UGT1A8: variants seen among roughly 807,000 people sequenced by gnomAD.
UGT1A8 encodes the protein UDP glucuronosyltransferase family 1 member A8, also known as UDP-glucuronosyltransferase 1A8.
UGT1A8 carries 39 observed loss-of-function variants against 45.3 expected under a neutral mutation model. The observed-to-expected ratio is 0.86, with a 90% CI of 0.67 to 1.12. The LOEUF (loss-of-function observed/expected upper bound fraction) is 1.12. Ranked by LOEUF, UGT1A8 falls within the 50% of genes most tolerant of loss-of-function variation. The probability of loss-of-function intolerance (pLI) is 0.00; values close to 1 mark genes in which losing one functional copy is unlikely to be tolerated. For synonymous variants in UGT1A8, 275 were observed against 249.2 expected, an observed-to-expected ratio of 1.10 and a Z score of -0.97; for missense variants, 719 against 664.9, an observed-to-expected ratio of 1.08 and a Z score of -0.90.
rs1272833298 is a variant in UGT1A8, at chr2:233,768,361, C to T, written c.1217C>T (p.Ala406Val). ...DNAKRMETKG[A>V]GVTLNVLEMT... is the part of the protein sequence containing the mutation. ...GCAAAGCGCATGGAGACTAAGGGAG[C>T]TGGAGTGACCCTGAATGTTCTGGAA... Residue 406 changes from alanine to valine, a missense_variant, in exon 4 of 5, where the codon GCT becomes GTT. Physicochemically the swap from Ala to Val is moderately conservative, Grantham distance 64. Coordinates refer to ENST00000373450, the MANE Select transcript of UGT1A8 (RefSeq NM_019076.5). 1 of 1,614,004 alleles carries T rather than the reference C, an allele frequency of 6.2e-7. No individual in the cohort carries two copies. The highest frequency in any genetic ancestry group is 1.3e-5 in the African/African-American group (1 of 74,914).
At position 233,734,054 on chromosome 2, in the gene UGT1A8, T is replaced by C. The variant is rs2078472293; in HGVS notation, c.856-32980T>C. Among the ~76,000 whole-genome samples the C allele has an allele frequency of 9.9e-5, 15 of 152,222 alleles. No homozygotes were observed. The South Asian group carries it at 3.1e-3, about 32-fold the overall frequency. The stretch of plus-strand genomic sequence containing the variant: ...CACACCAACATGGCACATGTATACA[T>C]ATGTAACAAACCTGCACATTGTGCA... On this transcript the variant is annotated intron_variant, in intron 1 of 4. Transcript: ENST00000373450.
At chr2:233,645,423 C>T (rs2073573994) in intron 1 of UGT1A8, among the ~76,000 whole-genome samples, 1 of 152,232 alleles carries the variant, frequency 6.6e-6, no homozygotes, top group African/African-American at 2.4e-5. Context: ...AAAGTCTCAG[C>T]ATTAACTCAA....
chr2:233,637,314 C>T (rs768029713), intron 1 of UGT1A8: 10 of 1,613,918 alleles, frequency 6.2e-6, no homozygotes, highest in South Asian at 4.4e-5. Flanking sequence ...ATCCCAAACC[C>T]GTGATGCCCA....
chr2:233,636,794 T>C lies in UGT1A8; in HGVS notation c.855+18232T>C, dbSNP rs141009803. 35 of 1,614,238 alleles carry C rather than the reference T, an allele frequency of 2.2e-5. No individual in the cohort carries two copies. In the African/African-American group the frequency reaches 3.9e-4, roughly 18 times the overall value. On this transcript the variant is annotated intron_variant, in intron 1 of 4. Coordinates refer to ENST00000373450, the MANE Select transcript of UGT1A8 (RefSeq NM_019076.5). The stretch of plus-strand genomic sequence containing the variant: ...CTGGAAGATCAGAACCGGGAATTCA[T>C]GGTTTTCGCCCATGCTCAATGGAAA...
At chr2:233,738,563 C>T (rs899585698) in intron 1 of UGT1A8, among the ~76,000 whole-genome samples, 1 of 152,184 alleles carries the variant, frequency 6.6e-6, no homozygotes, top group African/African-American at 2.4e-5. Context: ...GATGAGGAAT[C>T]TGTTGAGAAC....
chr2:233,765,059 C>A (rs917650453), intron 1 of UGT1A8, among the ~76,000 whole-genome samples: 1 of 152,076 alleles, frequency 6.6e-6, no homozygotes, highest in African/African-American at 2.4e-5. Context: ...TGAGCCCTGT[C>A]AGAGGTCTCC....
At chr2:233,624,138 A>T (rs559364025) in intron 1 of UGT1A8, among the ~76,000 whole-genome samples, 98 of 152,296 alleles carry the variant, frequency 6.4e-4, no homozygotes, top group African/African-American at 2.1e-3. Context: ...ATGACACATT[A>T]TGATGAGCTA....
chr2:233,744,868 A>T (rs938828765), intron 1 of UGT1A8, among the ~76,000 whole-genome samples: 1 of 151,858 alleles, frequency 6.6e-6, no homozygotes, highest in African/African-American at 2.4e-5. Flanking sequence ...TTCTGAAGGG[A>T]TTAGTTTAGG....
At chr2:233,710,958 T>C (rs2076155370) in intron 1 of UGT1A8, among the ~76,000 whole-genome samples, 1 of 152,220 alleles carries the variant, frequency 6.6e-6, no homozygotes, top group Non-Finnish European at 1.5e-5. Context: ...GTCTCTGAGA[T>C]TGGCAGAGGG....
intron 1 of UGT1A8, among the ~76,000 whole-genome samples, chr2:233,674,508 T>G (rs2074287304): frequency 6.6e-6 from 1 of 152,192 alleles, no homozygotes; most frequent in Non-Finnish European, 1.5e-5. Context: ...ACTGAATTTA[T>G]TGTGCCTCAC....
At chr2:233,719,653 G>T in intron 1 of UGT1A8, 1 of 1,614,078 alleles carries the variant, frequency 6.2e-7, no homozygotes, top group Non-Finnish European at 8.5e-7. Context: ...TTCATTGGGG[G>T]CATCAACTGT....
chr2:233,713,830 A>C (rs1248419431), intron 1 of UGT1A8: 8 of 1,613,954 alleles, frequency 5.0e-6, no homozygotes, highest in Non-Finnish European at 6.8e-6. Context: ...GGGGGCATCA[A>C]CTGTGCCAAC....
At position 233,618,130 on chromosome 2, in the gene UGT1A8, T is replaced by C. The variant is rs781117260; in HGVS notation, c.423T>C (p.Ser141=). Residue 141 remains serine, a synonymous_variant, in exon 1 of 5, where the codon TCT becomes TCC. Transcript: ENST00000373450. ...RKLVEYLKES[S]FDAVFLDPFD... ...TAGTAGAATACTTAAAGGAGAGTTC[T>C]TTTGATGCGGTGTTTCTTGATCCTT... The C allele has an allele frequency of 6.2e-6, 10 of 1,614,070 alleles. No individual in the cohort carries two copies. In the East Asian group the frequency reaches 1.8e-4, roughly 29 times the overall value.
chr2:233,720,871 A>ATT (rs60621337), intron 1 of UGT1A8, among the ~76,000 whole-genome samples: 47,878 of 132,580 alleles, frequency 0.36, 9,921 homozygotes, highest in African/African-American at 0.57. Context: ...GCTCCTGGCA[A>ATT]TTTTTTTTTT....
At chr2:233,620,769 A>G (rs17863764) in intron 1 of UGT1A8, among the ~76,000 whole-genome samples, 548 of 152,336 alleles carry the variant, frequency 3.6e-3, no homozygotes, top group Non-Finnish European at 6.0e-3. Context: ...TGGCCCAACC[A>G]CAAAAGTAAA....
At chr2:233,701,810 C>T (rs1265749289) in intron 1 of UGT1A8, among the ~76,000 whole-genome samples, 1 of 152,034 alleles carries the variant, frequency 6.6e-6, no homozygotes, top group African/African-American at 2.4e-5. Flanking sequence ...AACAAAGACA[C>T]AACATACCAG....
At chr2:233,626,707 C>T (rs1043678995) in intron 1 of UGT1A8, among the ~76,000 whole-genome samples, 8 of 151,978 alleles carry the variant, frequency 5.3e-5, no homozygotes, top group African/African-American at 1.9e-4. Flanking sequence ...ACAATCTTTT[C>T]CATAGAAAAC....
intron 1 of UGT1A8, chr2:233,672,879 AT>A: frequency 6.6e-7 from 1 of 1,514,768 alleles, no homozygotes; most frequent in Non-Finnish European, 8.8e-7. Context: ...TGACATTTTC[AT>A]TTGTTTCATT....
rs2073288918 is a variant in UGT1A8 at position 233,636,347 on chromosome 2, C to G, written c.855+17785C>G. 16 of 1,145,588 alleles carry G rather than the reference C, an allele frequency of 1.4e-5. No individual in the cohort carries two copies. The South Asian group carries it at 3.1e-4, about 22-fold the overall frequency. The allele number at this position is 1,145,588 out of a possible 1,614,324, so 71.0% of individuals were successfully genotyped here. Reference sequence around the variant, plus strand: ...CAAGTAGGTATCTCAGCAAATGATACTCGTGTGTTATCGTTCTTATGAGTA... The same window carrying G: ...CAAGTAGGTATCTCAGCAAATGATAGTCGTGTGTTATCGTTCTTATGAGTA... On this transcript the variant is annotated intron_variant, in intron 1 of 4. Transcript: ENST00000373450.
Sources: allele counts gnomAD v4.1 joint callset (sites outside exome capture counted in the v4.1 genomes callset), GRCh38; gene constraint gnomAD v4.1.1; transcripts MANE v1.5; gene names NCBI Gene and HGNC (gene_info 2026-07-23, HGNC 2026-07-21).